PDLIM5: variants seen among roughly 807,000 people sequenced by gnomAD.
PDLIM5 encodes PDZ and LIM domain 5.
Under a neutral mutation model 64.2 loss-of-function variants are expected in PDLIM5, and 34 were observed. The observed-to-expected ratio is 0.53, with a 90% confidence interval of 0.40 to 0.71. PDLIM5 has a LOEUF of 0.71. Ranked by LOEUF, PDLIM5 falls within the 30% of genes least tolerant of loss-of-function variation. PDLIM5 has a pLI of 0.00. For missense variants in PDLIM5, 683 were observed against 733.6 expected (o/e 0.93, Z 0.80); for synonymous variants, 253 against 269.1 (o/e 0.94, Z 0.59).
chr4:94,469,261 G>A (rs1724638097), intron 2 of PDLIM5, among the ~76,000 whole-genome samples: 2 of 152,158 alleles, frequency 1.3e-5, no homozygotes, highest in South Asian at 4.1e-4. Context: ...AAAAACATAA[G>A]CAATGTAATT....
intron 3 of PDLIM5, among the ~76,000 whole-genome samples, chr4:94,549,589 A>G (rs1732623168): frequency 6.6e-6 from 1 of 152,240 alleles, no homozygotes; most frequent in South Asian, 2.1e-4. Flanking sequence ...ATGTATTATT[A>G]TGAACAGTTT....
At chr4:94,499,152 A>G (rs1727671118) in intron 2 of PDLIM5, among the ~76,000 whole-genome samples, 1 of 152,192 alleles carries the variant, frequency 6.6e-6, no homozygotes, top group South Asian at 2.1e-4. Flanking sequence ...ATTTCTGGAA[A>G]AAGCGAAGCC....
chr4:94,464,555 G>A (rs1461961638), intron 2 of PDLIM5, among the ~76,000 whole-genome samples: 1 of 152,226 alleles, frequency 6.6e-6, no homozygotes, highest in Admixed American at 6.5e-5. Flanking sequence ...CCGGAGGACA[G>A]ATGTCCTTTA....
chr4:94,464,497 C>T lies in PDLIM5; in HGVS notation c.96+9113C>T, dbSNP rs539447449. 5.8e-4 allele frequency among the ~76,000 whole-genome samples: 88 copies of T among 152,272 alleles called. 1 individual carries two copies. The highest frequency in any genetic ancestry group is 2.0e-3 in the African/African-American group (84 of 41,562). ...AACACTAGCCAGAGCAGACTATGTT[C>T]TGAAAGTATGTTTGTTCTGAAAGTA... On this transcript the variant is annotated intron_variant, in intron 2 of 12. Coordinates refer to ENST00000317968, the MANE Select transcript of PDLIM5 (RefSeq NM_006457.5).
At chr4:94,453,088 A>G (rs1723013368) in intron 1 of PDLIM5, among the ~76,000 whole-genome samples, 1 of 152,080 alleles carries the variant, frequency 6.6e-6, no homozygotes, top group South Asian at 2.1e-4. Flanking sequence ...TGTGGGAAAT[A>G]CCAAGCTTCC....
intron 3 of PDLIM5, among the ~76,000 whole-genome samples, chr4:94,531,529 G>A (rs72876275): frequency 0.037 from 5,682 of 152,158 alleles, 360 homozygotes; most frequent in African/African-American, 0.13. Flanking sequence ...GCTTAAAGTA[G>A]TCACAAAAAA....
chr4:94,606,556 G>A (rs1737939268), intron 7 of PDLIM5, among the ~76,000 whole-genome samples: 1 of 152,210 alleles, frequency 6.6e-6, no homozygotes, highest in African/African-American at 2.4e-5. Context: ...AAGCCAAAGA[G>A]AGTGGACAAG....
At chr4:94,457,171 T>C (rs1296119184) in intron 2 of PDLIM5, 14 of 974,552 alleles carry the variant, frequency 1.4e-5, no homozygotes. Flanking sequence ...CTTATTAAAA[T>C]ACTGCAAATC....
At chr4:94,606,560 G>A (rs1737939788) in intron 7 of PDLIM5, among the ~76,000 whole-genome samples, 1 of 152,172 alleles carries the variant, frequency 6.6e-6, no homozygotes, top group South Asian at 2.1e-4. Context: ...CAAAGAGAGT[G>A]GACAAGCTTC....
chr4:94,501,680 A>C (rs1181547202), intron 2 of PDLIM5, among the ~76,000 whole-genome samples: 1 of 152,196 alleles, frequency 6.6e-6, no homozygotes, highest in Non-Finnish European at 1.5e-5. Flanking sequence ...AAAGACTGAC[A>C]ATCCTCACAG....
intron 2 of PDLIM5, among the ~76,000 whole-genome samples, chr4:94,473,625 A>G (rs1363702087): frequency 6.6e-6 from 1 of 152,190 alleles, no homozygotes; most frequent in Non-Finnish European, 1.5e-5. Context: ...TGGTTTGTTG[A>G]TGGGACAGAA....
chr4:94,650,631 A>G (rs1286752666), intron 9 of PDLIM5, among the ~76,000 whole-genome samples: 4 of 152,158 alleles, frequency 2.6e-5, no homozygotes, highest in African/African-American at 9.7e-5. Context: ...AATTTCTGTC[A>G]TTGGGATTAT....
intron 2 of PDLIM5, among the ~76,000 whole-genome samples, chr4:94,483,884 A>G (rs548504183): frequency 6.6e-6 from 1 of 152,314 alleles, no homozygotes; most frequent in South Asian, 2.1e-4. Flanking sequence ...TTCTTCATTC[A>G]TGTACCATCT....
At chr4:94,582,498 A>G (rs1735813401) in intron 5 of PDLIM5, 1 of 492,712 alleles carries the variant, frequency 2.0e-6, no homozygotes, top group Non-Finnish European at 3.6e-6. Context: ...TAGAATTTTT[A>G]CTAACATTTG....
intron 9 of PDLIM5, among the ~76,000 whole-genome samples, chr4:94,646,280 G>A (rs1376928617): frequency 1.3e-5 from 2 of 152,156 alleles, no homozygotes; most frequent in African/African-American, 4.8e-5. Flanking sequence ...GAGGTCAGTA[G>A]GGTGGGCCTT....
At chr4:94,538,164 T>C (rs1352816596) in intron 3 of PDLIM5, among the ~76,000 whole-genome samples, 1 of 152,200 alleles carries the variant, frequency 6.6e-6, no homozygotes, top group Non-Finnish European at 1.5e-5. Context: ...AGTATCAGTA[T>C]TACCTCATTC....
chr4:94,665,851 G>A lies in PDLIM5; in HGVS notation c.*1784G>A. On this transcript the variant is annotated 3_prime_UTR_variant, in exon 13 of 13. Coordinates refer to ENST00000317968, the MANE Select transcript of PDLIM5 (RefSeq NM_006457.5). The stretch of plus-strand genomic sequence containing the variant: ...CAGAGGTTGGGTAGTGTTGGGAGGG[G>A]AGTTTAATTACTCAGATTGGCCTGT... 7.2e-7 allele frequency: 1 copy of A among 1,383,456 alleles called. No individual in the cohort carries two copies. The allele number at this position is 1,383,456 out of a possible 1,614,324, so 85.7% of individuals were successfully genotyped here.
At chr4:94,630,344 G>C (rs779695510) in intron 8 of PDLIM5, among the ~76,000 whole-genome samples, 5 of 151,900 alleles carry the variant, frequency 3.3e-5, no homozygotes, top group Admixed American at 6.6e-5. Flanking sequence ...CTTTTGTCAG[G>C]GGGAGTATTA....
At chr4:94,558,110 G>A (rs1733518263) in intron 3 of PDLIM5, among the ~76,000 whole-genome samples, 1 of 152,128 alleles carries the variant, frequency 6.6e-6, no homozygotes, top group Non-Finnish European at 1.5e-5. Flanking sequence ...AGAGTTTTTA[G>A]CATCAAGGGC....
Sources: allele counts gnomAD v4.1 joint callset (sites outside exome capture counted in the v4.1 genomes callset), GRCh38; gene constraint gnomAD v4.1.1; transcripts MANE v1.5; gene names NCBI Gene and HGNC (gene_info 2026-07-23, HGNC 2026-07-21).